Variants in MCC observed in about 807,000 individuals in gnomAD.
The protein encoded by MCC is colorectal mutant cancer protein.
MCC carries 90 observed loss-of-function variants against 116.2 expected under a neutral mutation model. That is an observed-to-expected ratio of 0.77 (90% CI 0.65 to 0.92). MCC has a LOEUF of 0.92. Ranked by LOEUF, MCC falls within the 40% of genes least tolerant of loss-of-function variation. The probability of loss-of-function intolerance (pLI) is 0.00; values close to 1 mark genes in which losing one functional copy is unlikely to be tolerated. For synonymous variants in MCC, 578 were observed against 510.5 expected, an observed-to-expected ratio of 1.13 and a Z score of -1.78; for missense variants, 1,516 against 1,312.2, an observed-to-expected ratio of 1.16 and a Z score of -2.40.
At chr5:113,302,980 T>C (rs529775314) in intron 3 of MCC, among the ~76,000 whole-genome samples, 2 of 152,250 alleles carry the variant, frequency 1.3e-5, no homozygotes, top group South Asian at 4.1e-4. Context: ...ATTTTTTAGG[T>C]AAAACTGACC....
intron 3 of MCC, among the ~76,000 whole-genome samples, chr5:113,241,364 C>T (rs966268904): frequency 6.6e-6 from 1 of 152,128 alleles, no homozygotes; most frequent in South Asian, 2.1e-4. Context: ...ACAGAATAGA[C>T]AGAATGATGC....
chr5:113,441,230 G>A (rs1451644065), intron 1 of MCC, among the ~76,000 whole-genome samples: 2 of 152,126 alleles, frequency 1.3e-5, no homozygotes, highest in African/African-American at 4.8e-5. Context: ...AGCTACTCAG[G>A]AGGTTTAGGC....
At chr5:113,050,093 T>C (rs891079998) in intron 15 of MCC, among the ~76,000 whole-genome samples, 3 of 152,218 alleles carry the variant, frequency 2.0e-5, no homozygotes, top group Non-Finnish European at 4.4e-5. Flanking sequence ...GCTCATTTCA[T>C]CTTCCCAACC....
intron 1 of MCC, among the ~76,000 whole-genome samples, chr5:113,487,867 G>C (rs1013759412): frequency 6.6e-6 from 1 of 152,160 alleles, no homozygotes; most frequent in Non-Finnish European, 1.5e-5. Flanking sequence ...CCCGTGCTGC[G>C]GCATCTTGAT....
chr5:113,373,622 C>T (rs537571457), intron 2 of MCC, among the ~76,000 whole-genome samples: 2 of 152,322 alleles, frequency 1.3e-5, no homozygotes, highest in Admixed American at 6.5e-5. Context: ...GTTCGCTCCT[C>T]ATGGCAGATG....
intron 3 of MCC, 97 bp downstream of exon 3, chr5:113,340,422 C>T (rs993017331): frequency 3.8e-5 from 39 of 1,015,604 alleles, no homozygotes; most frequent in Non-Finnish European, 5.9e-5. Context: ...ATAAAGAAGA[C>T]AATACCCGAT....
intron 1 of MCC, among the ~76,000 whole-genome samples, chr5:113,472,720 A>C (rs1025236676): frequency 2.0e-4 from 30 of 152,216 alleles, no homozygotes; most frequent in African/African-American, 7.0e-4. Context: ...GCTTTAACTA[A>C]TTTACAAGAT....
intron 3 of MCC, among the ~76,000 whole-genome samples, chr5:113,168,082 A>G (rs1760871568): frequency 6.6e-6 from 1 of 152,216 alleles, no homozygotes; most frequent in South Asian, 2.1e-4. Context: ...AACATGGCAA[A>G]TCATTTCCTA....
chr5:113,404,543 C>G (rs1445794708), intron 1 of MCC, among the ~76,000 whole-genome samples: 2 of 152,204 alleles, frequency 1.3e-5, no homozygotes, highest in Non-Finnish European at 2.9e-5. Flanking sequence ...GTTTGGCAGT[C>G]TTTGTCAAAA....
intron 3 of MCC, among the ~76,000 whole-genome samples, chr5:113,247,587 A>G (rs1764625208): frequency 6.6e-6 from 1 of 152,192 alleles, no homozygotes; most frequent in Non-Finnish European, 1.5e-5. Context: ...ATCACTCTGG[A>G]AATACAGTAC....
chr5:113,141,089 CAA>C (rs1450509727), intron 5 of MCC, among the ~76,000 whole-genome samples: 1 of 151,906 alleles, frequency 6.6e-6, no homozygotes, highest in Non-Finnish European at 1.5e-5. Context: ...CTGGATAGAA[CAA>C]AAAAGGAAGA....
rs539606430 is a variant in MCC, at chr5:113,470,279, A to T, written c.170+17966T>A. Reference sequence around the variant, plus strand: ...TTGATGCAGTTTCTTCCTAGCCTTGATCGTCTTTACAATTTGGCATGTTTT... The same window carrying T: ...TTGATGCAGTTTCTTCCTAGCCTTGTTCGTCTTTACAATTTGGCATGTTTT... On this transcript the variant is annotated intron_variant, in intron 1 of 18. Coordinates refer to ENST00000408903, the MANE Select transcript of MCC (RefSeq NM_001085377.2). 2.3e-3 allele frequency among the ~76,000 whole-genome samples: 352 copies of T among 152,204 alleles called. 1 individual carries two copies. Among genetic ancestry groups the T allele is most frequent in the African/African-American group, 8.0e-3 (330 of 41,502 alleles).
chr5:113,225,374 A>G (rs1197445035), intron 3 of MCC, among the ~76,000 whole-genome samples: 3 of 152,144 alleles, frequency 2.0e-5, no homozygotes, highest in Non-Finnish European at 4.4e-5. Flanking sequence ...GAATTGCTCT[A>G]CCTCTAAGAG....
chr5:113,480,837 T>A (rs1379535400), intron 1 of MCC, among the ~76,000 whole-genome samples: 2 of 152,114 alleles, frequency 1.3e-5, no homozygotes, highest in Admixed American at 6.6e-5. Context: ...GTGCAGTGGG[T>A]ATTCACAACT....
intron 14 of MCC, among the ~76,000 whole-genome samples, chr5:113,061,744 G>A (rs1279077647): frequency 6.6e-6 from 1 of 152,200 alleles, no homozygotes; most frequent in Non-Finnish European, 1.5e-5. Context: ...GAACCCTTGA[G>A]GGGCAGTTGA....
chr5:113,290,500 T>A (rs1386998935), intron 3 of MCC, among the ~76,000 whole-genome samples: 1 of 152,238 alleles, frequency 6.6e-6, no homozygotes. Context: ...AATAGGCAAC[T>A]GTCTACCAGA....
At chr5:113,364,225 T>C (rs1195921055) in intron 2 of MCC, among the ~76,000 whole-genome samples, 1 of 127,614 alleles carries the variant, frequency 7.8e-6, no homozygotes, top group Non-Finnish European at 1.6e-5. Context: ...AGTGAGACTC[T>C]TTCTCAAAAA....
intron 6 of MCC, among the ~76,000 whole-genome samples, chr5:113,107,671 G>A (rs958985855): frequency 1.3e-5 from 2 of 152,134 alleles, no homozygotes; most frequent in African/African-American, 2.4e-5. Context: ...GTGTGAATCC[G>A]CTGTCCTGAG....
At position 113,458,423 on chromosome 5, in the gene MCC, A is replaced by C. The variant is rs942972831; in HGVS notation, c.170+29822T>G. Among the ~76,000 whole-genome samples the C allele has an allele frequency of 4.0e-5, 6 of 151,618 alleles. No individual in the cohort carries two copies. In the East Asian group the frequency reaches 1.2e-3, roughly 29 times the overall value. On this transcript the variant is annotated intron_variant, in intron 1 of 18. Transcript: ENST00000408903. The stretch of plus-strand genomic sequence containing the variant: ...AACCCACCAGAAGGAAGAAACTCCG[A>C]ACACATCCGAACATCAGAAGGAACA...
Sources: gnomAD v4.1 joint callset for allele counts (sites outside exome capture counted in the v4.1 genomes callset) on GRCh38, gnomAD v4.1.1 for gene constraint, MANE v1.5 for transcripts, NCBI Gene and HGNC (gene_info 2026-07-23, HGNC 2026-07-21) for gene names.